ACAP2: variants seen among roughly 807,000 people sequenced by gnomAD.
The protein encoded by ACAP2 is ArfGAP with coiled-coil, ankyrin repeat and PH domains 2, also known as arf-GAP with coiled-coil, ANK repeat and PH domain-containing protein 2.
In ACAP2, 39 loss-of-function variants were observed where a neutral mutation model predicts 115.8. The observed-to-expected ratio is 0.34, with a 90% CI of 0.26 to 0.44. The LOEUF is 0.44. ACAP2 is among the 20% of genes least tolerant of loss of function. The probability of loss-of-function intolerance (pLI) is 1.00; values close to 1 mark genes in which losing one functional copy is unlikely to be tolerated. For missense variants in ACAP2, 662 were observed against 927.6 expected (o/e 0.71, Z 3.72); for synonymous variants, 289 against 315.8 (o/e 0.92, Z 0.90).
intron 10 of ACAP2, among the ~76,000 whole-genome samples, chr3:195,312,522 C>T (rs1357706220): frequency 6.6e-6 from 1 of 151,998 alleles, no homozygotes; most frequent in Admixed American, 6.6e-5. Context: ...CCTGGAGTGT[C>T]GTGGTGCAAT....
At chr3:195,398,875 G>A (rs1469175153) in intron 1 of ACAP2, among the ~76,000 whole-genome samples, 1 of 152,010 alleles carries the variant, frequency 6.6e-6, no homozygotes, top group Non-Finnish European at 1.5e-5. Context: ...AACTAGAAAT[G>A]GAAACCAATA....
In ACAP2 at chr3:195,353,080, T is replaced by TAAAA. The variant is rs530794501; in HGVS notation, c.286-7767_286-7764dup. 1.5e-3 allele frequency among the ~76,000 whole-genome samples: 197 copies of TAAAA among 134,056 alleles called. 3 individuals carry two copies. Among genetic ancestry groups the TAAAA allele is most frequent in the Middle Eastern group, 3.8e-3 (1 of 260 alleles). The allele number at this position is 134,056 out of a possible 152,430, so 87.9% of individuals were successfully genotyped here. A position where few individuals can be genotyped will look rare whatever the true frequency, so the allele number is the denominator to read the frequency against. ...GGATGACAGAGTGAGACTCTGTCTT[T>TAAAA]AAAAAAAAAAAAAAAAAAGGCATTG... On this transcript the variant is annotated intron_variant, in intron 4 of 22. Coordinates refer to ENST00000326793, the MANE Select transcript of ACAP2 (RefSeq NM_012287.6).
At chr3:195,283,192 G>A (rs868147849) in intron 22 of ACAP2, among the ~76,000 whole-genome samples, 5 of 152,136 alleles carry the variant, frequency 3.3e-5, no homozygotes, top group Admixed American at 6.6e-5. Flanking sequence ...CCACCAAACC[G>A]GTTTCCAACA....
chr3:195,394,271 G>A (rs1411867504), intron 1 of ACAP2, among the ~76,000 whole-genome samples: 1 of 152,046 alleles, frequency 6.6e-6, no homozygotes, highest in Admixed American at 6.6e-5. Context: ...CAAACAAAAT[G>A]TTTGTTGAGC....
chr3:195,409,527 C>A (rs2108807483), intron 1 of ACAP2, among the ~76,000 whole-genome samples: 1 of 152,120 alleles, frequency 6.6e-6, no homozygotes, highest in Middle Eastern at 3.4e-3. Context: ...TACCCAAAGC[C>A]TTCTACAGAT....
Position 195,276,005 on chromosome 3 carries a change from A to G in ACAP2, c.*3323T>C, listed in dbSNP as rs1349243237. The G allele has an allele frequency of 6.6e-6, 1 of 152,610 alleles. No individual in the cohort carries two copies. Among genetic ancestry groups the G allele is most frequent in the Non-Finnish European group, 1.5e-5 (1 of 68,032 alleles). 9.5% of individuals were successfully genotyped at this position (152,610 alleles called of 1,614,324 possible). ...TACATCATTTTTCCAGCTCATGTCCATGATCCAAAGTGATATTATACACAA... is the reference window on the plus strand; with the variant it reads ...TACATCATTTTTCCAGCTCATGTCCGTGATCCAAAGTGATATTATACACAA... On this transcript the variant is annotated 3_prime_UTR_variant, in exon 23 of 23. Transcript: ENST00000326793.
intron 10 of ACAP2, among the ~76,000 whole-genome samples, chr3:195,318,791 AG>A (rs1213213974): frequency 6.6e-6 from 1 of 152,258 alleles, no homozygotes. Context: ...GAGGTATAAA[AG>A]AAAAATCCAT....
intron 1 of ACAP2, among the ~76,000 whole-genome samples, chr3:195,396,936 A>C (rs1352517601): frequency 1.3e-5 from 2 of 151,950 alleles, no homozygotes; most frequent in African/African-American, 2.4e-5. Context: ...TGAAATTAAT[A>C]ATTTAAAAAA....
chr3:195,285,883 A>C, intron 21 of ACAP2, 26 bp from the exon 22 acceptor site: 1 of 1,509,350 alleles, frequency 6.6e-7, no homozygotes, highest in East Asian at 2.3e-5. Flanking sequence ...ATAGTGTTTT[A>C]GATGACATTA....
At chr3:195,344,133 A>T (rs1279122009) in intron 5 of ACAP2, among the ~76,000 whole-genome samples, 1 of 152,200 alleles carries the variant, frequency 6.6e-6, no homozygotes, top group African/African-American at 2.4e-5. Flanking sequence ...TGGGAGGATC[A>T]CTTCAGCCCA....
intron 4 of ACAP2, among the ~76,000 whole-genome samples, chr3:195,368,242 C>T (rs1440958306): frequency 2.0e-5 from 3 of 152,166 alleles, no homozygotes; most frequent in African/African-American, 4.8e-5. Context: ...CTTCGCCTCC[C>T]GGGTTCAAGC....
chr3:195,326,948 C>A lies in ACAP2; in HGVS notation c.681G>T (p.Leu227=), dbSNP rs1729834764. 6.2e-7 allele frequency: 1 copy of A among 1,613,652 alleles called. No individual in the cohort carries two copies. Among genetic ancestry groups the A allele is most frequent in the Admixed American group, 1.7e-5 (1 of 59,974 alleles). ...TTTTCTCCTTTGCTGCATCCACAACCAGTCGATCCAACTGTAAAAAGGGAA... is the reference window on the plus strand; with the variant it reads ...TTTTCTCCTTTGCTGCATCCACAACAAGTCGATCCAACTGTAAAAAGGGAA... ...MKDLGAQLDR[L]VVDAAKEKRE... The change falls in exon 9 of 23, where the codon CTG becomes CTT. Residue 227 remains leucine, a synonymous_variant. Transcript: ENST00000326793.
intron 4 of ACAP2, among the ~76,000 whole-genome samples, chr3:195,378,955 A>C (rs1733765531): frequency 6.6e-6 from 1 of 152,158 alleles, no homozygotes; most frequent in South Asian, 2.1e-4. Context: ...ATATAAAGAA[A>C]TAGCATAAGA....
chr3:195,415,284 T>TC (rs1303128129), intron 1 of ACAP2, among the ~76,000 whole-genome samples: 3 of 147,526 alleles, frequency 2.0e-5, no homozygotes, highest in African/African-American at 7.4e-5. Flanking sequence ...AAAAAAGTCT[T>TC]TTTTTTTTTT....
chr3:195,320,684 T>C lies in ACAP2; in HGVS notation c.857+17A>G. On this transcript the variant is annotated intron_variant, in intron 10 of 22. Transcript: ENST00000326793. ...AAAACTATGTATAGATCAAGACTAG[T>C]ATTTGAAATATATTACCTGTTCCAA... is the stretch of plus-strand genomic sequence containing the variant. 6.5e-7 allele frequency: 1 copy of C among 1,547,938 alleles called. No individual in the cohort carries two copies. The highest frequency in any genetic ancestry group is 8.9e-7 in the Non-Finnish European group (1 of 1,120,160).
chr3:195,307,931 G>C (rs76320646), intron 11 of ACAP2, among the ~76,000 whole-genome samples: 501 of 152,242 alleles, frequency 3.3e-3, no homozygotes, highest in African/African-American at 0.012. Context: ...CTCAAGAGTA[G>C]AGATTTGAAA....
At position 195,428,752 on chromosome 3, in the gene ACAP2, T is replaced by C. The variant is rs543786618; in HGVS notation, c.53+14043A>G. Among the ~76,000 whole-genome samples the C allele has an allele frequency of 3.3e-5, 5 of 152,280 alleles. No homozygotes were observed. In the East Asian group the frequency reaches 9.6e-4, roughly 29 times the overall value. ...ACACATGCAGGAATATATTATATAC[T>C]CACACAATGGGTAATATCAAAAGGT... On this transcript the variant is annotated intron_variant, in intron 1 of 22. Coordinates refer to ENST00000326793, the MANE Select transcript of ACAP2 (RefSeq NM_012287.6).
At chr3:195,314,838 C>T (rs372361927) in intron 10 of ACAP2, among the ~76,000 whole-genome samples, 41 of 152,214 alleles carry the variant, frequency 2.7e-4, no homozygotes, top group South Asian at 4.2e-4. Flanking sequence ...AATTAAGCTG[C>T]GCAGAGAATT....
intron 15 of ACAP2, among the ~76,000 whole-genome samples, chr3:195,300,853 C>T (rs1056513842): frequency 1.3e-5 from 2 of 151,992 alleles, no homozygotes; most frequent in African/African-American, 2.4e-5. Flanking sequence ...CATGTCTCTA[C>T]GAAAAATACA....
Sources: gnomAD v4.1 joint callset for allele counts (sites outside exome capture counted in the v4.1 genomes callset) on GRCh38, gnomAD v4.1.1 for gene constraint, MANE v1.5 for transcripts, NCBI Gene and HGNC (gene_info 2026-07-23, HGNC 2026-07-21) for gene names.